TULP4: variants seen among roughly 807,000 people sequenced by gnomAD.
The protein encoded by TULP4 is TUB like protein 4, also known as tubby-related protein 4.
TULP4 carries 16 observed loss-of-function variants against 129.0 expected under a neutral mutation model. The ratio of observed to expected loss-of-function variants is 0.12; its 90% CI spans 0.08 to 0.19. The LOEUF (loss-of-function observed/expected upper bound fraction) is 0.19, where lower values mean the gene tolerates loss of function less well. TULP4 is among the 10% of genes least tolerant of loss of function. The pLI is 1.00. For missense variants in TULP4, 1,842 were observed against 2,059.1 expected (o/e 0.89, Z 2.04); for synonymous variants, 998 against 854.0 (o/e 1.17, Z -2.94).
chr6:158,409,490 G>A (rs970458888), intron 1 of TULP4, among the ~76,000 whole-genome samples: 39 of 152,102 alleles, frequency 2.6e-4, no homozygotes, highest in African/African-American at 7.2e-4. Flanking sequence ...TCTATACCTG[G>A]ATAACTGCGC....
chr6:158,235,592 C>T (rs917781351), intron 1 of TULP4, among the ~76,000 whole-genome samples: 5 of 152,234 alleles, frequency 3.3e-5, no homozygotes, highest in Non-Finnish European at 7.3e-5. Flanking sequence ...AAGCAGTCCT[C>T]CCAGCTAGGC....
At position 158,461,622 on chromosome 6, in the gene TULP4, C is replaced by G. The variant is rs575849065; in HGVS notation, c.919C>G (p.Gln307Glu). Residue 307 changes from glutamine (Q) to glutamate (E), a missense_variant, in exon 6 of 14, where the codon CAG (glutamine) becomes GAG (glutamate). Physicochemically the swap from Gln to Glu is conservative, Grantham distance 29. Around this residue, in one of 5 missense-constraint regions of TULP4, gnomAD observed 456 missense variants for 534.3 expected, o/e 0.85. Transcript: ENST00000367097. The stretch of plus-strand genomic sequence containing the variant: ...GCTGGCAGTCGCTGGGATGGAACGG[C>G]AGACCCAGCTTGGTGAGCTTCCCAA... ...DLLAVAGMER[Q>E]TQLGELPNGP... The G allele has an allele frequency of 1.9e-6, 3 of 1,614,052 alleles. No individual in the cohort carries two copies. The highest frequency in any genetic ancestry group is 1.1e-5 in the South Asian group (1 of 91,056).
upstream of TULP4, among the ~76,000 whole-genome samples, chr6:158,308,198 TGACTCTTAAC>T (rs1424638496): frequency 3.3e-4 from 14 of 42,596 alleles, no homozygotes; most frequent in Non-Finnish European, 4.8e-4. Flanking sequence ...GGAGTGGTGA[TGACTCTTAAC>T]GAGCATGCTG....
intron 1 of TULP4, among the ~76,000 whole-genome samples, chr6:158,379,222 G>T (rs1777269949): frequency 6.6e-6 from 1 of 152,338 alleles, no homozygotes; most frequent in Non-Finnish European, 1.5e-5. Context: ...GGTCTAATGA[G>T]TTGGATGATG....
At chr6:158,285,549 CA>C (rs1729538569) in intron 1 of TULP4, among the ~76,000 whole-genome samples, 1 of 152,184 alleles carries the variant, frequency 6.6e-6, no homozygotes, top group South Asian at 2.1e-4. Flanking sequence ...CCTTCTGTAC[CA>C]GGCCTGTTTG....
chr6:158,353,742 A>C lies in TULP4; in HGVS notation c.252+39474A>C, dbSNP rs535875243. 8.6e-4 allele frequency among the ~76,000 whole-genome samples: 131 copies of C among 152,326 alleles called. 1 individual carries two copies. Among genetic ancestry groups the C allele is most frequent in the Non-Finnish European group, 1.7e-3 (114 of 68,024 alleles). On this transcript the variant is annotated intron_variant, in intron 1 of 13. Transcript: ENST00000367097. ...ATGTTCAAATGCACTTTTATCTTCTATCTTTAAATCTCTGTGAATAGATCA... is the reference window on the plus strand; with the variant it reads ...ATGTTCAAATGCACTTTTATCTTCTCTCTTTAAATCTCTGTGAATAGATCA...
At chr6:158,505,484 C>A (rs9355658) in intron 13 of TULP4, among the ~76,000 whole-genome samples, 41,835 of 152,220 alleles carry the variant, frequency 0.27, 7,100 homozygotes, top group East Asian at 0.51. Flanking sequence ...TGGTAAAAAC[C>A]GTGTGACCCA....
At chr6:158,409,480 T>C (rs900974539) in intron 1 of TULP4, among the ~76,000 whole-genome samples, 3 of 152,104 alleles carry the variant, frequency 2.0e-5, no homozygotes, top group African/African-American at 7.2e-5. Flanking sequence ...GAAGGGAAGC[T>C]CTATACCTGG....
At chr6:158,246,696 A>G (rs1284954060) in intron 1 of TULP4, among the ~76,000 whole-genome samples, 1 of 152,184 alleles carries the variant, frequency 6.6e-6, no homozygotes, top group African/African-American at 2.4e-5. Flanking sequence ...TTTTGAATTC[A>G]TGGATTTAAA....
intron 1 of TULP4, among the ~76,000 whole-genome samples, chr6:158,363,172 A>G (rs960292892): frequency 2.6e-5 from 4 of 151,932 alleles, no homozygotes; most frequent in African/African-American, 9.7e-5. Flanking sequence ...GTTCTATCAC[A>G]TAAAAAACTA....
At chr6:158,482,942 C>G (rs1779981326) in intron 8 of TULP4, among the ~76,000 whole-genome samples, 1 of 152,192 alleles carries the variant, frequency 6.6e-6, no homozygotes, top group Non-Finnish European at 1.5e-5. Flanking sequence ...CAGCTCGTAT[C>G]AAACACAGAC....
chr6:158,402,888 G>GTTT (rs34604658), intron 1 of TULP4, among the ~76,000 whole-genome samples: 5 of 127,956 alleles, frequency 3.9e-5, no homozygotes, highest in East Asian at 2.3e-4. Context: ...GGCTTTGGGA[G>GTTT]TTTTTTTTTT....
At chr6:158,447,286 A>AT (rs1203563258) in intron 3 of TULP4, among the ~76,000 whole-genome samples, 10 of 150,754 alleles carry the variant, frequency 6.6e-5, no homozygotes, top group Non-Finnish European at 1.2e-4. Flanking sequence ...TCAGATAGTA[A>AT]TTTTTTTTTT....
At chr6:158,279,499 A>G (rs62439861), upstream of TULP4, among the ~76,000 whole-genome samples, 26,267 of 152,220 alleles carry the variant, frequency 0.17, 2,700 homozygotes, top group Middle Eastern at 0.24. Flanking sequence ...TACATTTAGA[A>G]GATAATTTCT....
intron 1 of TULP4, among the ~76,000 whole-genome samples, chr6:158,351,480 G>T (rs942916569): frequency 6.6e-6 from 1 of 152,124 alleles, no homozygotes; most frequent in African/African-American, 2.4e-5. Context: ...AATTAAAATT[G>T]TATTGCCTGT....
intron 1 of TULP4, among the ~76,000 whole-genome samples, chr6:158,363,786 C>T (rs1051886744): frequency 4.0e-5 from 6 of 151,766 alleles, no homozygotes; most frequent in South Asian, 2.1e-4. Context: ...CGCAAGGCCG[C>T]GTGTTTTTTT....
chr6:158,374,580 T>A (rs1777145157), intron 1 of TULP4, among the ~76,000 whole-genome samples: 1 of 152,238 alleles, frequency 6.6e-6, no homozygotes, highest in Admixed American at 6.5e-5. Flanking sequence ...ATTCCTTTTT[T>A]CCCATGTAAT....
At position 158,284,784 on chromosome 6, in the gene TULP4, A is replaced by C. The variant is rs575377705; in HGVS notation, n.116+2406A>C. Among the ~76,000 whole-genome samples the C allele has an allele frequency of 2.6e-5, 4 of 152,268 alleles. No individual in the cohort carries two copies. The East Asian group carries it at 5.8e-4, about 22-fold the overall frequency. ...CAGTTTGAAAACTGCTGATTATGTT[A>C]ATTCCTGGATTTTACAAATGAAAAA... On this transcript the variant is annotated intron_variant and non_coding_transcript_variant, in intron 1 of 1. Transcript: ENST00000432358.
At chr6:158,505,982 C>CCA (rs1220475555) in intron 13 of TULP4, among the ~76,000 whole-genome samples, 2 of 151,822 alleles carry the variant, frequency 1.3e-5, no homozygotes, top group Non-Finnish European at 2.9e-5. Flanking sequence ...ATGTTGTACC[C>CCA]CACAGGTAAC....
Sources: allele counts gnomAD v4.1 joint callset (sites outside exome capture counted in the v4.1 genomes callset), GRCh38; gene constraint gnomAD v4.1.1; regional missense constraint gnomAD v4.1.1; transcripts MANE v1.5; gene names NCBI Gene and HGNC (gene_info 2026-07-23, HGNC 2026-07-21).